The following SBF2 variants were observed in gnomAD, a reference collection of about 807,000 sequenced individuals.
SBF2 encodes the protein myotubularin-related protein 13.
Under a neutral mutation model 225.2 loss-of-function variants are expected in SBF2, and 112 were observed. The ratio of observed to expected loss-of-function variants is 0.50; its 90% confidence interval spans 0.43 to 0.58. The LOEUF (loss-of-function observed/expected upper bound fraction) is 0.58, where lower values mean the gene tolerates loss of function less well. SBF2 is among the 20% of genes least tolerant of loss of function. The pLI, the probability that SBF2 is intolerant of heterozygous loss-of-function variation, is 0.00. For synonymous variants in SBF2, 763 were observed against 773.3 expected (o/e 0.99, Z 0.22); for missense variants, 1,996 against 2,206.2 (o/e 0.90, Z 1.91).
intron 6 of SBF2, among the ~76,000 whole-genome samples, chr11:10,021,651 T>A (rs191668509): frequency 6.6e-6 from 1 of 152,318 alleles, no homozygotes; most frequent in East Asian, 1.9e-4. Flanking sequence ...GGAAATGCTA[T>A]CATTACATTT....
At chr11:10,006,105 CTA>C (rs1385924497) in intron 6 of SBF2, among the ~76,000 whole-genome samples, 9 of 152,204 alleles carry the variant, frequency 5.9e-5, no homozygotes, top group Non-Finnish European at 5.9e-5. Flanking sequence ...CCCACACCAC[CTA>C]TTCTCCTGTT....
chr11:9,936,153 G>C (rs529833548), intron 16 of SBF2, among the ~76,000 whole-genome samples: 22 of 152,286 alleles, frequency 1.4e-4, no homozygotes, highest in African/African-American at 4.8e-4. Flanking sequence ...TATATCAACA[G>C]ACACTTCTCA....
chr11:10,094,400 T>C (rs966904357), intron 2 of SBF2, among the ~76,000 whole-genome samples: 1 of 152,142 alleles, frequency 6.6e-6, no homozygotes, highest in African/African-American at 2.4e-5. Context: ...TTAGAATCAT[T>C]TTCAACATAT....
In SBF2 at chr11:9,780,241, T is replaced by G. The variant is rs192542785; in HGVS notation, c.*177A>C. On this transcript the variant is annotated 3_prime_UTR_variant, in exon 40 of 40. Transcript: ENST00000256190. ...TGCATGGGGCTGTTGACCAGACCTGTGTGAAACACCTATTCAGGTTAAGTA... is the reference window on the plus strand; with the variant it reads ...TGCATGGGGCTGTTGACCAGACCTGGGTGAAACACCTATTCAGGTTAAGTA... 2.6e-3 allele frequency: 1,727 copies of G among 666,750 alleles called. 21 individuals are homozygous for G. The African/African-American group carries it at 0.028, about 11-fold the overall frequency. 41.3% of individuals were successfully genotyped at this position (666,750 alleles called of 1,614,324 possible).
intron 2 of SBF2, among the ~76,000 whole-genome samples, chr11:10,085,673 C>T (rs1196881888): frequency 6.6e-6 from 1 of 152,032 alleles, no homozygotes; most frequent in Non-Finnish European, 1.5e-5. Flanking sequence ...CAGGTTCTGA[C>T]TTTTCTTCTG....
At chr11:10,178,848 AT>A (rs1330638062) in intron 2 of SBF2, among the ~76,000 whole-genome samples, 1 of 149,574 alleles carries the variant, frequency 6.7e-6, no homozygotes, top group Non-Finnish European at 1.5e-5. Context: ...TACTGGGTAT[AT>A]ACCCAAAGGA....
intron 17 of SBF2, among the ~76,000 whole-genome samples, chr11:9,859,351 T>C (rs922339910): frequency 1.3e-5 from 2 of 152,240 alleles, no homozygotes; most frequent in African/African-American, 4.8e-5. Flanking sequence ...TTGTATAACA[T>C]TGCATTTTAA....
intron 16 of SBF2, among the ~76,000 whole-genome samples, chr11:9,930,554 G>C (rs1864414111): frequency 6.6e-6 from 1 of 152,076 alleles, no homozygotes; most frequent in Non-Finnish European, 1.5e-5. Context: ...TAATAAATTG[G>C]TTCATTATTT....
intron 15 of SBF2, among the ~76,000 whole-genome samples, chr11:9,963,234 G>A (rs1866691337): frequency 6.6e-6 from 1 of 152,186 alleles, no homozygotes. Flanking sequence ...GGAGGCTGAG[G>A]CGGCTGGATC....
Position 10,108,515 on chromosome 11 carries a change from C to CTTTTTTTT in SBF2, c.142-65542_142-65535dup, listed in dbSNP as rs34189666. On this transcript the variant is annotated intron_variant, in intron 2 of 39. Coordinates refer to ENST00000256190, the MANE Select transcript of SBF2 (RefSeq NM_030962.4). ...TGCAAAAACAAACAGTAATAGTTAA[C>CTTTTTTTT]TTTTTTTTTTTTTTTTTTTTTTTTT... is the stretch of plus-strand genomic sequence containing the variant. Among the ~76,000 whole-genome samples the CTTTTTTTT allele has an allele frequency of 3.4e-4, 28 of 83,484 alleles. 2 individuals carry two copies. The highest frequency in any genetic ancestry group is 2.3e-3 in the South Asian group (5 of 2,152). 54.8% of individuals were successfully genotyped at this position (83,484 alleles called of 152,430 possible).
chr11:10,253,421 C>G (rs1254779788), intron 1 of SBF2, among the ~76,000 whole-genome samples: 1 of 152,150 alleles, frequency 6.6e-6, no homozygotes, highest in Non-Finnish European at 1.5e-5. Flanking sequence ...TAAACCCTGT[C>G]TGCACATTAG....
At chr11:10,099,958 GA>G (rs1297142118) in intron 2 of SBF2, among the ~76,000 whole-genome samples, 3 of 151,874 alleles carry the variant, frequency 2.0e-5, no homozygotes, top group Non-Finnish European at 4.4e-5. Context: ...AAAGCAGCAG[GA>G]AAAAAATTTT....
At chr11:9,999,314 TATGTATGTATGTATG>T (rs1229981828) in intron 8 of SBF2, among the ~76,000 whole-genome samples, 4 of 151,084 alleles carry the variant, frequency 2.6e-5, no homozygotes, top group Non-Finnish European at 5.9e-5. Flanking sequence ...TGTATGTATG[TATGTATGTATGTATG>T]TATTTATTTT....
At chr11:10,260,793 A>T (rs1961352171) in intron 1 of SBF2, among the ~76,000 whole-genome samples, 2 of 148,616 alleles carry the variant, frequency 1.3e-5, no homozygotes, top group African/African-American at 4.9e-5. Context: ...AGACAGGAGG[A>T]TTGCTTGAGC....
At chr11:10,242,015 AG>A (rs60257731) in intron 1 of SBF2, among the ~76,000 whole-genome samples, 1,538 of 151,432 alleles carry the variant, frequency 0.01, 30 homozygotes, top group African/African-American at 0.035. Context: ...CACAGACCCT[AG>A]GACCTAACAT....
intron 16 of SBF2, among the ~76,000 whole-genome samples, chr11:9,927,702 C>T (rs186020896): frequency 2.6e-5 from 4 of 152,084 alleles, no homozygotes; most frequent in South Asian, 2.1e-4. Context: ...TTAAAAGATA[C>T]GGAAAAAAAA....
chr11:10,269,371 C>A (rs952102610), intron 1 of SBF2, among the ~76,000 whole-genome samples: 1 of 152,188 alleles, frequency 6.6e-6, no homozygotes, highest in Admixed American at 6.5e-5. Flanking sequence ...CACCCAAGCT[C>A]TAACCGGTCC....
At chr11:10,233,876 C>T (rs556531215) in intron 1 of SBF2, among the ~76,000 whole-genome samples, 71 of 152,256 alleles carry the variant, frequency 4.7e-4, no homozygotes, top group African/African-American at 1.7e-3. Flanking sequence ...TCTTGGTCTC[C>T]CTACTGGGCT....
At chr11:9,965,460 G>A (rs1284506843) in intron 14 of SBF2, among the ~76,000 whole-genome samples, 5 of 151,998 alleles carry the variant, frequency 3.3e-5, no homozygotes, top group Admixed American at 1.3e-4. Flanking sequence ...GGCTAATTTC[G>A]TATTTTTAGT....
Sources: allele counts gnomAD v4.1 joint callset (sites outside exome capture counted in the v4.1 genomes callset), GRCh38; gene constraint gnomAD v4.1.1; transcripts MANE v1.5; gene names NCBI Gene and HGNC (gene_info 2026-07-23, HGNC 2026-07-21).